WAPL: variants seen among roughly 807,000 people sequenced by gnomAD.
WAPL encodes WAPL cohesin release factor, also known as wings apart-like protein homolog.
Under a neutral mutation model 121.0 loss-of-function variants are expected in WAPL, and 5 were observed. That is an observed-to-expected ratio of 0.04 (90% confidence interval 0.02 to 0.09). The LOEUF (loss-of-function observed/expected upper bound fraction) is 0.09. WAPL is among the 10% of genes least tolerant of loss of function. The pLI, the probability that WAPL is intolerant of heterozygous loss-of-function variation, is 1.00. For missense variants in WAPL, 999 were observed against 1,410.8 expected (o/e 0.71, Z 4.68); for synonymous variants, 480 against 481.5 (o/e 1.00, Z 0.04).
rs999401508 is a variant in WAPL at position 86,467,234 on chromosome 10, T to G, written c.2370+45A>C. Reference sequence around the variant, plus strand: ...AGCTACTGCAACTAACCAAAGACTTTCTGAAAGTAATTCTCATCTTAGAAG... The same window carrying G: ...AGCTACTGCAACTAACCAAAGACTTGCTGAAAGTAATTCTCATCTTAGAAG... On this transcript the variant is annotated intron_variant, in intron 9 of 18. Coordinates refer to ENST00000298767, the MANE Select transcript of WAPL (RefSeq NM_015045.5). The G allele has an allele frequency of 1.9e-6, 3 of 1,566,622 alleles. No individual in the cohort carries two copies. The African/African-American group carries it at 4.1e-5, about 21-fold the overall frequency.
At position 86,467,306 on chromosome 10, in the gene WAPL, G is replaced by A. The variant is rs201909851; in HGVS notation, c.2343C>T (p.Asn781=). ...TTATATTTTCTAGATCAAGATGCTT[G>A]TTGTGTACAGTTTCACAGAGCCTTC... The part of the protein sequence containing the change: ...KIRRLCETVH[N]KHLDLENITT... Residue 781 remains asparagine (N), a synonymous_variant, in exon 9 of 19, where the codon AAC becomes AAT. Coordinates refer to ENST00000298767, the MANE Select transcript of WAPL (RefSeq NM_015045.5). 46 of 1,614,004 alleles carry A rather than the reference G, an allele frequency of 2.9e-5. No homozygotes were observed. In the East Asian group the frequency reaches 9.1e-4, roughly 32 times the overall value.
chr10:86,484,211 G>A (rs934381771), intron 4 of WAPL, among the ~76,000 whole-genome samples: 5 of 152,282 alleles, frequency 3.3e-5, no homozygotes, highest in South Asian at 2.1e-4. Context: ...GTTACAGTAA[G>A]CTGGTTGGCC....
intron 12 of WAPL, among the ~76,000 whole-genome samples, chr10:86,455,683 T>TAAAAAAA (rs539594893): frequency 4.8e-4 from 14 of 29,074 alleles, no homozygotes; most frequent in Non-Finnish European, 6.7e-4. Context: ...CAATAAATAC[T>TAAAAAAA]AAAAAAAAAA....
At chr10:86,495,715 C>T (rs1293818749) in intron 4 of WAPL, among the ~76,000 whole-genome samples, 2 of 152,136 alleles carry the variant, frequency 1.3e-5, no homozygotes, top group South Asian at 2.1e-4. Context: ...AATATCAATA[C>T]AGTGAAAAAC....
chr10:86,496,914 A>C (rs1842161105), intron 4 of WAPL, among the ~76,000 whole-genome samples: 1 of 152,176 alleles, frequency 6.6e-6, no homozygotes, highest in Non-Finnish European at 1.5e-5. Context: ...GTTAATGGGT[A>C]CAGAGTTTTT....
chr10:86,518,942 T>C (rs1238473924), intron 1 of WAPL, among the ~76,000 whole-genome samples: 2 of 152,356 alleles, frequency 1.3e-5, no homozygotes, highest in East Asian at 3.9e-4. Context: ...GGAAAGAAAC[T>C]ATCCTTATCC....
rs755250647 is a variant in WAPL, at chr10:86,517,935, C to T, written c.135G>A (p.Gly45=). 6.2e-7 allele frequency: 1 copy of T among 1,614,132 alleles called. No individual in the cohort carries two copies. Among genetic ancestry groups the T allele is most frequent in the South Asian group, 1.1e-5 (1 of 91,078 alleles). ...WGETTFMAKL[G]QKRPNFKPDI... ...CTGGTTTGAAATTGGGCCTCTTCTG[C>T]CCTAATTTAGCCATAAATGTGGTCT... Residue 45 remains glycine (G), a synonymous_variant, in exon 2 of 19, where the codon GGG becomes GGA. Transcript: ENST00000298767.
chr10:86,517,549 A>G (rs749744527), intron 2 of WAPL, 22 bp downstream of exon 2: 7 of 1,581,304 alleles, frequency 4.4e-6, no homozygotes, highest in Middle Eastern at 3.4e-4. Flanking sequence ...CTTGGCGGAG[A>G]ATAAAGAAAA....
intron 4 of WAPL, among the ~76,000 whole-genome samples, chr10:86,490,203 G>T (rs1228694146): frequency 6.7e-6 from 1 of 149,836 alleles, no homozygotes; most frequent in African/African-American, 2.5e-5. Flanking sequence ...GACAGAGTGA[G>T]ACTCCATCTC....
rs1223150713 is a variant in WAPL, at chr10:86,521,615, G to A, written c.-273C>T. ...GGCCTAGCTCTCGCTGGCCGCCACT[G>A]CTGGAGCTGGTAACAGAGCCTGCTG... On this transcript the variant is annotated 5_prime_UTR_variant, in exon 1 of 19. Transcript: ENST00000298767. 6.6e-6 allele frequency: 3 copies of A among 457,346 alleles called. No homozygotes were observed. The highest frequency in any genetic ancestry group is 2.4e-5 in the Admixed American group (1 of 41,470). 28.3% of individuals were successfully genotyped at this position (457,346 alleles called of 1,614,324 possible).
At chr10:86,470,276 T>C (rs895191328) in intron 8 of WAPL, among the ~76,000 whole-genome samples, 3 of 152,088 alleles carry the variant, frequency 2.0e-5, no homozygotes, top group Non-Finnish European at 4.4e-5. Flanking sequence ...TGAGATGATC[T>C]GCCCACTTTG....
intron 17 of WAPL, among the ~76,000 whole-genome samples, chr10:86,441,438 C>T (rs887457951): frequency 1.3e-5 from 2 of 152,044 alleles, no homozygotes; most frequent in African/African-American, 4.8e-5. Flanking sequence ...CTGGTTCAGA[C>T]AAAAGCATTG....
rs1425658543 is a variant in WAPL at position 86,521,756 on chromosome 10, C to G, written c.-414G>C. On this transcript the variant is annotated 5_prime_UTR_variant, in exon 1 of 19. Coordinates refer to ENST00000298767, the MANE Select transcript of WAPL (RefSeq NM_015045.5). Reference sequence around the variant, plus strand: ...CTCAACGCCATTTGCGCTCCCGGCCCCCACCTCCTTCCTCCAACAGCCGCT... The same window carrying G: ...CTCAACGCCATTTGCGCTCCCGGCCGCCACCTCCTTCCTCCAACAGCCGCT... 9.0e-6 allele frequency: 4 copies of G among 445,440 alleles called. No homozygotes were observed. The Admixed American group carries it at 1.0e-4, about 11-fold the overall frequency. The allele number at this position is 445,440 out of a possible 1,614,324, so 27.6% of individuals were successfully genotyped here.
intron 17 of WAPL, among the ~76,000 whole-genome samples, chr10:86,440,248 AAC>A (rs1849428447): frequency 1.3e-5 from 2 of 152,198 alleles, no homozygotes; most frequent in African/African-American, 4.8e-5. Flanking sequence ...GTGTGTAAAA[AAC>A]AGAGTATCTA....
At chr10:86,489,970 T>C (rs1295632900) in intron 4 of WAPL, among the ~76,000 whole-genome samples, 3 of 151,290 alleles carry the variant, frequency 2.0e-5, no homozygotes, top group African/African-American at 7.3e-5. Flanking sequence ...ACTTTGGTAC[T>C]TTGGGAGGCC....
At chr10:86,511,063 C>T (rs986097598) in intron 2 of WAPL, among the ~76,000 whole-genome samples, 22 of 151,974 alleles carry the variant, frequency 1.4e-4, no homozygotes, top group African/African-American at 4.8e-4. Flanking sequence ...CCTGGGCTCA[C>T]GCCATCCTCC....
intron 10 of WAPL, among the ~76,000 whole-genome samples, 192 bp from the exon 11 acceptor site, chr10:86,460,688 T>C (rs569965033): frequency 3.1e-4 from 47 of 152,046 alleles, no homozygotes; most frequent in African/African-American, 1.1e-3. Context: ...GTTTCCATAA[T>C]CCCCCAATAT....
intron 4 of WAPL, chr10:86,488,635 G>A (rs1412594205): frequency 6.6e-6 from 1 of 152,168 alleles, no homozygotes; most frequent in Non-Finnish European, 1.5e-5. Context: ...AATCTAAGAA[G>A]ATCAAACTAA....
At chr10:86,455,580 A>G (rs1212326619) in intron 12 of WAPL, among the ~76,000 whole-genome samples, 1 of 150,914 alleles carries the variant, frequency 6.6e-6, no homozygotes. Flanking sequence ...AAAACCAGAG[A>G]CCCTTGTTCA....
Sources: gnomAD v4.1 joint callset for allele counts (sites outside exome capture counted in the v4.1 genomes callset) on GRCh38, gnomAD v4.1.1 for gene constraint, MANE v1.5 for transcripts, NCBI Gene and HGNC (gene_info 2026-07-23, HGNC 2026-07-21) for gene names.